The following ZNF585B variants were observed in gnomAD, a reference collection of about 807,000 sequenced individuals.
ZNF585B encodes zinc finger protein 585B, also known as zinc finger protein 41-like protein.
Under a neutral mutation model 14.0 loss-of-function variants are expected in ZNF585B, and 7 were observed. The observed-to-expected ratio is 0.50, with a 90% CI of 0.28 to 0.94. ZNF585B has a LOEUF of 0.94. ZNF585B is among the 40% of genes least tolerant of loss of function. ZNF585B has a pLI of 0.09. For synonymous variants in ZNF585B, 290 were observed against 317.3 expected, an observed-to-expected ratio of 0.91 and a Z score of 0.91; for missense variants, 750 against 924.4, an observed-to-expected ratio of 0.81 and a Z score of 2.45.
chr19:37,190,323 G>A (rs1055471878), intron 2 of ZNF585B, 173 bp from the exon 3 acceptor site: 13 of 812,918 alleles, frequency 1.6e-5, no homozygotes, highest in Non-Finnish European at 2.1e-5. Context: ...TTGGCTTACT[G>A]CAACCTCCAC....
chr19:37,205,466 A>G (rs1320436284), intron 2 of ZNF585B, among the ~76,000 whole-genome samples: 1 of 152,236 alleles, frequency 6.6e-6, no homozygotes, highest in African/African-American at 2.4e-5. Flanking sequence ...CCAAACAAAC[A>G]TTAAAACAGC....
At chr19:37,207,775 C>T (rs1199964568) in intron 1 of ZNF585B, among the ~76,000 whole-genome samples, 1 of 152,090 alleles carries the variant, frequency 6.6e-6, no homozygotes, top group Non-Finnish European at 1.5e-5. Flanking sequence ...TTACCATGCA[C>T]TATATTAAAA....
intron 2 of ZNF585B, 38 bp downstream of exon 2, chr19:37,207,002 G>A (rs769052399): frequency 1.2e-6 from 2 of 1,611,450 alleles, no homozygotes; most frequent in Non-Finnish European, 1.7e-6. Context: ...ATCTACTCTT[G>A]GACTGAAATT....
chr19:37,192,513 A>C (rs1010204406), intron 2 of ZNF585B, among the ~76,000 whole-genome samples: 1 of 140,646 alleles, frequency 7.1e-6, no homozygotes, highest in African/African-American at 2.5e-5. Context: ...TCTCAAAAAA[A>C]AAAAAAATAA....
rs1972339125 is a variant in ZNF585B, at chr19:37,186,761, A to C, written c.776T>G (p.Ile259Ser). The change falls in exon 5 of 5, where the codon ATT becomes AGT. Residue 259 changes from isoleucine (I) to serine (S), a missense_variant. Ile to Ser is a moderately radical substitution (Grantham distance 142). Coordinates refer to ENST00000532828, the MANE Select transcript of ZNF585B (RefSeq NM_152279.4). ...CTCGCCTGTATGGATTTTCTGATGA[A>C]TCTTGAGTGTGGACTTTTGTGTGAA... ...KAFTQKSTLK[I>S]HQKIHTGERS... is the part of the protein sequence containing the mutation. 1 of 1,614,032 alleles carries C rather than the reference A, an allele frequency of 6.2e-7. No homozygotes were observed. Among genetic ancestry groups the C allele is most frequent in the Non-Finnish European group, 8.5e-7 (1 of 1,180,032 alleles).
At chr19:37,190,221 C>A in intron 2 of ZNF585B, 71 bp from the exon 3 acceptor site, 1 of 1,578,858 alleles carries the variant, frequency 6.3e-7, no homozygotes, top group Non-Finnish European at 8.6e-7. Context: ...TATGGGATTA[C>A]GGAACATGGG....
At chr19:37,202,182 T>A (rs933480312) in intron 2 of ZNF585B, among the ~76,000 whole-genome samples, 1 of 152,142 alleles carries the variant, frequency 6.6e-6, no homozygotes, top group East Asian at 1.9e-4. Flanking sequence ...TTTGTATTTT[T>A]AATAGAGACA....
intron 2 of ZNF585B, among the ~76,000 whole-genome samples, chr19:37,206,407 T>G (rs2145447161): frequency 6.6e-6 from 1 of 150,790 alleles, no homozygotes; most frequent in Non-Finnish European, 1.5e-5. Context: ...GCCGAGATCA[T>G]GCCATTGTAC....
rs879494020 is a variant in ZNF585B, at chr19:37,184,492, GAAAGAA to G, written c.*729_*734del. On this transcript the variant is annotated 3_prime_UTR_variant, in exon 5 of 5. Coordinates refer to ENST00000532828, the MANE Select transcript of ZNF585B (RefSeq NM_152279.4). Reference sequence around the variant, plus strand: ...AGAAAGAAAGAAAGAAAGAAAGAAAGAAAGAAAGAAAGAGAAAGAAAGAAAGAAAAA... The same window carrying G: ...AGAAAGAAAGAAAGAAAGAAAGAAAGAGAAAGAGAAAGAAAGAAAGAAAAA... 0.06 allele frequency: 6,936 copies of G among 116,166 alleles called. 406 individuals carry two copies. The highest frequency in any genetic ancestry group is 0.081 in the Non-Finnish European group (4,464 of 54,840). The allele number at this position is 116,166 out of a possible 1,614,324, so 7.2% of individuals were successfully genotyped here.
intron 2 of ZNF585B, among the ~76,000 whole-genome samples, chr19:37,192,530 G>C (rs1342112188): frequency 6.6e-6 from 1 of 151,764 alleles, no homozygotes; most frequent in Non-Finnish European, 1.5e-5. Flanking sequence ...ATAAAATAAG[G>C]CCGGGCGCAG....
chr19:37,192,792 A>T (rs548095188), intron 2 of ZNF585B, among the ~76,000 whole-genome samples: 28 of 152,006 alleles, frequency 1.8e-4, no homozygotes, highest in Non-Finnish European at 2.9e-4. Flanking sequence ...CCTGGGTGAC[A>T]GAGTGAGACT....
rs1568506229 is a variant in ZNF585B at position 37,186,662 on chromosome 19, T to C, written c.875A>G (p.His292Arg). Residue 292 changes from histidine (H) to arginine (R), a missense_variant, in exon 5 of 5, where the codon CAT (histidine) becomes CGT (arginine). By Grantham distance (29) the His-to-Arg change is conservative. Around this residue, in one of 2 missense-constraint regions of ZNF585B, gnomAD observed 517 missense variants for 570.3 expected, o/e 0.91. Transcript: ENST00000532828. Reference protein sequence around the residue: ...KTQLIAHRRIHSGEKPYECNN... With the variant: ...KTQLIAHRRIRSGEKPYECNN... ...GCATTCATATGGTTTTTCTCCACTATGAATTCTTCGGTGTGCAATCAATTG... is the reference window on the plus strand; with the variant it reads ...GCATTCATATGGTTTTTCTCCACTACGAATTCTTCGGTGTGCAATCAATTG... 3 of 1,614,234 alleles carry C rather than the reference T, an allele frequency of 1.9e-6. No homozygotes were observed. Among genetic ancestry groups the C allele is most frequent in the Non-Finnish European group, 1.7e-6 (2 of 1,180,040 alleles).
chr19:37,189,714 T>G lies in ZNF585B; in HGVS notation c.239A>C (p.Gln80Pro), dbSNP rs11666699. 5,825 of 1,613,954 alleles carry G rather than the reference T, an allele frequency of 3.6e-3. 56 individuals are homozygous for G. The highest frequency in any genetic ancestry group is 0.024 in the South Asian group (2,174 of 91,062). ...VPKPEVVMLE[Q>P]GKEPWALQGE... The stretch of plus-strand genomic sequence containing the variant: ...CTGCAGTGCCCATGGTTCCTTTCCT[T>G]GCTCCAACATGACCACCTCTGGTTT... Residue 80 changes from glutamine to proline, a missense_variant, in exon 4 of 5, where the codon CAA becomes CCA. Coordinates refer to ENST00000532828, the MANE Select transcript of ZNF585B (RefSeq NM_152279.4).
In ZNF585B at chr19:37,186,889, A is replaced by G. The variant is rs1018945382; in HGVS notation, c.648T>C (p.Cys216=). ...AAGGGAAACCTTTCCCACATTCACT[A>G]CATTCATATAGTTTTTCTCCGGTAT... ...RIHTGEKLYE[C]SECGKGFPYN... is the part of the protein sequence containing the mutation. The change falls in exon 5 of 5, where the codon TGT becomes TGC. Residue 216 remains cysteine (C), a synonymous_variant. Transcript: ENST00000532828. 6.2e-7 allele frequency: 1 copy of G among 1,613,886 alleles called. No individual in the cohort carries two copies. The highest frequency in any genetic ancestry group is 1.3e-5 in the African/African-American group (1 of 74,906).
chr19:37,198,465 C>G (rs990316578), intron 2 of ZNF585B, among the ~76,000 whole-genome samples: 1 of 152,124 alleles, frequency 6.6e-6, no homozygotes, highest in African/African-American at 2.4e-5. Flanking sequence ...AGCCACCAGG[C>G]CAGGCCATTC....
intron 4 of ZNF585B, among the ~76,000 whole-genome samples, chr19:37,188,528 G>A (rs1972365139): frequency 6.6e-6 from 1 of 152,000 alleles, no homozygotes; most frequent in Non-Finnish European, 1.5e-5. Context: ...AATTAGCCAG[G>A]CGTGGTGGCC....
In ZNF585B at chr19:37,185,636, T is replaced by C. The variant is rs369340016; in HGVS notation, c.1901A>G (p.Tyr634Cys). 4.3e-6 allele frequency: 7 copies of C among 1,613,850 alleles called. No homozygotes were observed. In the African/African-American group the frequency reaches 6.7e-5, roughly 15 times the overall value. The change falls in exon 5 of 5, where the codon TAT becomes TGT. Residue 634 changes from tyrosine (Y) to cysteine (C), a missense_variant. Tyr to Cys is a radical substitution (Grantham distance 194). This residue lies in a region of ZNF585B where 233 missense variants were observed against 354.1 expected (regional missense o/e 0.66). Coordinates refer to ENST00000532828, the MANE Select transcript of ZNF585B (RefSeq NM_152279.4). ...GGCTTTCCCACACTCGGCACACACA[T>C]AGGGTTTCTCTCCTGTGTGAACTGG... ...HQPVHTGEKP[Y>C]VCAECGKAFS...
At chr19:37,191,762 G>A (rs886305057) in intron 2 of ZNF585B, among the ~76,000 whole-genome samples, 10 of 152,048 alleles carry the variant, frequency 6.6e-5, no homozygotes, top group Non-Finnish European at 1.2e-4. Flanking sequence ...GGCTGGGCCC[G>A]GTGGCTCATG....
intron 2 of ZNF585B, among the ~76,000 whole-genome samples, chr19:37,206,524 T>C (rs1416418477): frequency 6.6e-6 from 1 of 150,998 alleles, no homozygotes; most frequent in South Asian, 2.1e-4. Context: ...AAAATGTGGA[T>C]AGTGGTAATG....
Sources: gnomAD v4.1 joint callset for allele counts (sites outside exome capture counted in the v4.1 genomes callset) on GRCh38, gnomAD v4.1.1 for gene constraint, gnomAD v4.1.1 regional missense constraint, MANE v1.5 for transcripts, NCBI Gene and HGNC (gene_info 2026-07-23, HGNC 2026-07-21) for gene names.